Variants in DYNC2I1 observed in about 807,000 individuals in gnomAD.
DYNC2I1 encodes the protein cytoplasmic dynein 2 intermediate chain 1.
DYNC2I1 carries 89 observed loss-of-function variants against 133.4 expected under a neutral mutation model. The ratio of observed to expected loss-of-function variants is 0.67; its 90% CI spans 0.56 to 0.80. The LOEUF (loss-of-function observed/expected upper bound fraction) is 0.80, where lower values mean the gene tolerates loss of function less well. DYNC2I1 is among the 30% of genes least tolerant of loss of function. The probability of loss-of-function intolerance (pLI) is 0.00; values close to 1 mark genes in which losing one functional copy is unlikely to be tolerated. For synonymous variants in DYNC2I1, 504 were observed against 484.3 expected (o/e 1.04, Z -0.54); for missense variants, 1,291 against 1,314.5 (o/e 0.98, Z 0.28).
chr7:158,889,297 G>A (rs2129481721), intron 7 of DYNC2I1, among the ~76,000 whole-genome samples: 1 of 151,668 alleles, frequency 6.6e-6, no homozygotes, highest in East Asian at 2.0e-4. Context: ...AGCCAGGGTG[G>A]TCTCGATCTC....
intron 24 of DYNC2I1, among the ~76,000 whole-genome samples, chr7:158,942,803 A>G (rs574845316): frequency 6.6e-6 from 1 of 152,354 alleles, no homozygotes; most frequent in South Asian, 2.1e-4. Flanking sequence ...CCCAGCTCAC[A>G]GGCAGACCAG....
At chr7:158,890,055 C>G (rs1169710502) in intron 7 of DYNC2I1, among the ~76,000 whole-genome samples, 1 of 151,266 alleles carries the variant, frequency 6.6e-6, no homozygotes, top group East Asian at 1.9e-4. Flanking sequence ...GCTCTGTTGC[C>G]CAGGCTGGTC....
chr7:158,861,011 G>A (rs548342292), intron 1 of DYNC2I1, among the ~76,000 whole-genome samples: 1 of 152,208 alleles, frequency 6.6e-6, no homozygotes, highest in Non-Finnish European at 1.5e-5. Flanking sequence ...GATTCTTGAC[G>A]AAAGTTTAAC....
upstream of DYNC2I1, among the ~76,000 whole-genome samples, chr7:158,855,880 C>G (rs1417677406): frequency 6.6e-6 from 1 of 151,460 alleles, no homozygotes; most frequent in Non-Finnish European, 1.5e-5. Context: ...TATCAAAAGA[C>G]GACATATGGG....
At chr7:158,853,781 G>C (rs1841107657), upstream of DYNC2I1, among the ~76,000 whole-genome samples, 1 of 151,618 alleles carries the variant, frequency 6.6e-6, no homozygotes, top group South Asian at 2.1e-4. Flanking sequence ...CAGCCCCCAA[G>C]TAGCTGGGAT....
intron 8 of DYNC2I1, among the ~76,000 whole-genome samples, chr7:158,893,446 T>G (rs1384314168): frequency 6.6e-6 from 1 of 152,198 alleles, no homozygotes; most frequent in Admixed American, 6.5e-5. Context: ...TTAAATGTGC[T>G]CCAAACAGTT....
chr7:158,923,076 C>T (rs1012860350), intron 16 of DYNC2I1, among the ~76,000 whole-genome samples: 8 of 152,140 alleles, frequency 5.3e-5, no homozygotes, highest in African/African-American at 1.7e-4. Context: ...GAGGACTGTG[C>T]GGTGAGGGGT....
chr7:158,856,678 G>T lies in DYNC2I1; in HGVS notation c.-58G>T. ...GCGGGGCACAGGTGGCCTCTTCGGGGTGGACCGCGCCTGGCCGGGGCCGAG... is the reference window on the plus strand; with the variant it reads ...GCGGGGCACAGGTGGCCTCTTCGGGTTGGACCGCGCCTGGCCGGGGCCGAG... On this transcript the variant is annotated 5_prime_UTR_variant, in exon 1 of 25. Transcript: ENST00000407559. 8.1e-7 allele frequency: 1 copy of T among 1,231,662 alleles called. No homozygotes were observed. The highest frequency in any genetic ancestry group is 1.0e-6 in the Non-Finnish European group (1 of 986,744). The allele number at this position is 1,231,662 out of a possible 1,614,324, so 76.3% of individuals were successfully genotyped here.
At chr7:158,882,064 C>G (rs746660411) in intron 5 of DYNC2I1, among the ~76,000 whole-genome samples, 5 of 152,154 alleles carry the variant, frequency 3.3e-5, no homozygotes, top group Non-Finnish European at 7.4e-5. Context: ...GAACATTATC[C>G]TGTATCTTTG....
At chr7:158,881,743 G>A (rs1219674441) in intron 5 of DYNC2I1, among the ~76,000 whole-genome samples, 1 of 152,132 alleles carries the variant, frequency 6.6e-6, no homozygotes, top group Non-Finnish European at 1.5e-5. Context: ...ATGAGCTACC[G>A]CGCCCGGCCA....
At chr7:158,903,736 C>T (rs924364654) in intron 10 of DYNC2I1, 5 of 152,232 alleles carry the variant, frequency 3.3e-5, no homozygotes, top group Non-Finnish European at 5.9e-5. Flanking sequence ...CACCAGCACA[C>T]AGGATTTCCT....
chr7:158,889,436 A>T (rs842683), intron 7 of DYNC2I1, among the ~76,000 whole-genome samples: 22,344 of 151,970 alleles, frequency 0.15, 1,869 homozygotes, highest in Middle Eastern at 0.24. Flanking sequence ...GACGATATAG[A>T]TCTACCGCAT....
Position 158,906,940 on chromosome 7 carries a change from AGCCTGAGCAAGGAGGAGTTCAAGG to A in DYNC2I1, c.1460+859_1460+882del, listed in dbSNP as rs1482808782. Among the ~76,000 whole-genome samples, 5 of 152,290 alleles carry A rather than the reference AGCCTGAGCAAGGAGGAGTTCAAGG, an allele frequency of 3.3e-5. No homozygotes were observed. In the East Asian group the frequency reaches 7.7e-4, roughly 23 times the overall value. On this transcript the variant is annotated intron_variant, in intron 11 of 24. Coordinates refer to ENST00000407559, the MANE Select transcript of DYNC2I1 (RefSeq NM_018051.5). ...AGCACTTTGAGCACAGGAGTTCAAG[AGCCTGAGCAAGGAGGAGTTCAAGG>A]GCCTGAGCAGCATAGCGAGACGCAC...
intron 10 of DYNC2I1, chr7:158,903,536 G>A (rs1276631561): frequency 1.3e-5 from 2 of 152,216 alleles, no homozygotes; most frequent in Non-Finnish European, 2.9e-5. Flanking sequence ...TTTTGTGCCT[G>A]CTACAGAGGT....
At chr7:158,844,445 G>A in the DYNC2I1 span, among the ~76,000 whole-genome samples, 8 of 151,926 alleles carry the variant, frequency 5.3e-5, no homozygotes, top group East Asian at 1.2e-3. Flanking sequence ...GGGAGAGCGC[G>A]TGGGAATTGG....
intron 12 of DYNC2I1, among the ~76,000 whole-genome samples, chr7:158,912,426 A>G (rs2078271167): frequency 6.6e-6 from 1 of 152,222 alleles, no homozygotes; most frequent in South Asian, 2.1e-4. Flanking sequence ...ATGAAGCTGA[A>G]GAAGCTGATG....
At chr7:158,866,865 A>G (rs1187874917) in intron 1 of DYNC2I1, among the ~76,000 whole-genome samples, 3 of 151,572 alleles carry the variant, frequency 2.0e-5, no homozygotes, top group Non-Finnish European at 4.4e-5. Flanking sequence ...AGCCTGGGCG[A>G]CAGAGCAAGG....
At chr7:158,936,840 C>T (rs569696114) in intron 23 of DYNC2I1, among the ~76,000 whole-genome samples, 5 of 152,304 alleles carry the variant, frequency 3.3e-5, no homozygotes, top group African/African-American at 9.6e-5. Context: ...AAGTGAACCT[C>T]GTCTTAAGGT....
intron 5 of DYNC2I1, 136 bp from the exon 6 acceptor site, chr7:158,884,428 A>AT (rs1272815959): frequency 1.6e-6 from 1 of 634,940 alleles, no homozygotes; most frequent in Non-Finnish European, 2.6e-6. Flanking sequence ...AAAAATAGTT[A>AT]TTTTAAAAGG....
Sources: allele counts gnomAD v4.1 joint callset (sites outside exome capture counted in the v4.1 genomes callset), GRCh38; gene constraint gnomAD v4.1.1; transcripts MANE v1.5; gene names NCBI Gene and HGNC (gene_info 2026-07-23, HGNC 2026-07-21).